The following UMAD1 variants were observed in gnomAD, a reference collection of about 807,000 sequenced individuals.
UMAD1 encodes UBAP1-MVB12-associated (UMA)-domain containing protein 1.
Under a neutral mutation model 6.1 loss-of-function variants are expected in UMAD1, and 8 were observed. That is an observed-to-expected ratio of 1.30 (90% CI 0.76 to 2.35). UMAD1 has a LOEUF of 2.35. Ranked by LOEUF, UMAD1 falls within the 30% of genes most tolerant of loss-of-function variation. The pLI, the probability that UMAD1 is intolerant of heterozygous loss-of-function variation, is 0.00. For missense variants in UMAD1, 130 were observed against 78.4 expected (o/e 1.66, Z -2.49); for synonymous variants, 56 against 31.4 (o/e 1.78, Z -2.61).
intron 2 of UMAD1, among the ~76,000 whole-genome samples, chr7:7,716,613 GC>G (rs1266256958): frequency 6.6e-6 from 1 of 152,208 alleles, no homozygotes; most frequent in African/African-American, 2.4e-5. Flanking sequence ...CATGGTGCTG[GC>G]CAGGTAGCAA....
rs1488691540 is a variant in UMAD1, at chr7:7,835,382, GCTTT to G, written c.156+33644_156+33647del. On this transcript the variant is annotated intron_variant, in intron 3 of 3. Transcript: ENST00000682710. ...ATATGACATTTTCATTGTAACTTCTGCTTTCTTTTTTTTTTTTTTGCTTTAAAAA... is the reference window on the plus strand; with the variant it reads ...ATATGACATTTTCATTGTAACTTCTGCTTTTTTTTTTTTTTGCTTTAAAAA... Among the ~76,000 whole-genome samples the G allele has an allele frequency of 9.1e-5, 10 of 110,162 alleles. No individual in the cohort carries two copies. In the East Asian group the frequency reaches 1.0e-3, roughly 11 times the overall value. 72.3% of individuals were successfully genotyped at this position (110,162 alleles called of 152,430 possible).
intron 1 of UMAD1, among the ~76,000 whole-genome samples, chr7:7,663,078 A>C (rs1281627861): frequency 6.6e-6 from 1 of 152,058 alleles, no homozygotes; most frequent in Non-Finnish European, 1.5e-5. Context: ...CAGGCACCCA[A>C]ATGCGAAAGT....
chr7:7,717,012 C>T (rs1216161368), intron 2 of UMAD1, among the ~76,000 whole-genome samples: 4 of 151,930 alleles, frequency 2.6e-5, no homozygotes, highest in Non-Finnish European at 4.4e-5. Flanking sequence ...TTCCTCTGCA[C>T]GAGGGAGCTT....
intron 3 of UMAD1, among the ~76,000 whole-genome samples, chr7:7,842,320 A>C (rs1002961745): frequency 6.6e-6 from 1 of 152,192 alleles, no homozygotes; most frequent in African/African-American, 2.4e-5. Context: ...AAATTTCTAC[A>C]CATAATGGTT....
chr7:7,753,288 C>T (rs745390532), intron 2 of UMAD1, among the ~76,000 whole-genome samples: 1 of 152,126 alleles, frequency 6.6e-6, no homozygotes, highest in Non-Finnish European at 1.5e-5. Context: ...AATTCAATAA[C>T]TCTTTAGTTA....
At position 7,826,906 on chromosome 7, in the gene UMAD1, T is replaced by G. The variant is rs192943355; in HGVS notation, c.156+25163T>G. Among the ~76,000 whole-genome samples the G allele has an allele frequency of 2.0e-5, 3 of 152,296 alleles. No individual in the cohort carries two copies. In the East Asian group the frequency reaches 5.8e-4, roughly 29 times the overall value. ...TTCAAATTTTGCCTTTATGGATCATTCAATTCAAAATAATTAGAACTAAAA... is the reference window on the plus strand; with the variant it reads ...TTCAAATTTTGCCTTTATGGATCATGCAATTCAAAATAATTAGAACTAAAA... On this transcript the variant is annotated intron_variant, in intron 3 of 3. Transcript: ENST00000682710.
intron 2 of UMAD1, chr7:7,742,162 C>T: frequency 1.5e-6 from 1 of 659,868 alleles, no homozygotes; most frequent in Admixed American, 1.8e-5. Flanking sequence ...TTCTCTCCAT[C>T]AGGCCGAATC....
chr7:7,841,433 C>T (rs1206897130), intron 3 of UMAD1, among the ~76,000 whole-genome samples: 2 of 151,224 alleles, frequency 1.3e-5, no homozygotes, highest in Non-Finnish European at 2.9e-5. Flanking sequence ...CTCCCAAGTA[C>T]ACTGGGACCA....
At chr7:7,849,502 A>G (rs183798500) in intron 3 of UMAD1, among the ~76,000 whole-genome samples, 1 of 152,260 alleles carries the variant, frequency 6.6e-6, no homozygotes, top group Admixed American at 6.5e-5. Flanking sequence ...ACTGTGGTCT[A>G]GTGAATTCTG....
At chr7:7,811,826 C>T (rs1783026660) in intron 3 of UMAD1, among the ~76,000 whole-genome samples, 1 of 152,140 alleles carries the variant, frequency 6.6e-6, no homozygotes, top group Admixed American at 6.5e-5. Flanking sequence ...TTCAAAGATT[C>T]TTGCTCTTCC....
intron 3 of UMAD1, among the ~76,000 whole-genome samples, chr7:7,850,806 ATTTGGGGG>A (rs1212004061): frequency 6.6e-6 from 1 of 152,102 alleles, no homozygotes; most frequent in African/African-American, 2.4e-5. Flanking sequence ...GAAGTGAAGG[ATTTGGGGG>A]TCTTACAAAG....
At position 7,830,966 on chromosome 7, in the gene UMAD1, A is replaced by T. The variant is rs7781344; in HGVS notation, c.156+29223A>T. Among the ~76,000 whole-genome samples the T allele has an allele frequency of 0.1, 15,294 of 152,196 alleles. 2,569 individuals are homozygous for T. Among genetic ancestry groups the T allele is most frequent in the African/African-American group, 0.35 (14,408 of 41,486 alleles). ...ATTTTTTAATTATAAAAAATATACC[A>T]GTCCTTAAAATATGTATTTTATTGA... is the stretch of plus-strand genomic sequence containing the variant. On this transcript the variant is annotated intron_variant, in intron 3 of 3. Transcript: ENST00000682710. The surrounding 1 kb of genome is among the most constrained non-coding windows in gnomAD (Gnocchi z 5.3).
At chr7:7,838,762 A>C (rs1254114123) in intron 3 of UMAD1, among the ~76,000 whole-genome samples, 1 of 152,210 alleles carries the variant, frequency 6.6e-6, no homozygotes, top group African/African-American at 2.4e-5. Context: ...AAGGATATGA[A>C]AATAGATTTA....
chr7:7,671,091 G>C (rs544147488), intron 1 of UMAD1, among the ~76,000 whole-genome samples: 6 of 152,220 alleles, frequency 3.9e-5, no homozygotes, highest in South Asian at 4.2e-4. Context: ...GGTGTCTAAG[G>C]GTTGTTTTAA....
intron 3 of UMAD1, chr7:7,868,511 G>C (rs553165807): frequency 6.6e-6 from 1 of 151,792 alleles, no homozygotes; most frequent in Non-Finnish European, 1.5e-5. Context: ...AAGAAAGATT[G>C]GAGAACCACG....
At chr7:7,826,038 T>C (rs1049268954) in intron 3 of UMAD1, among the ~76,000 whole-genome samples, 5 of 152,208 alleles carry the variant, frequency 3.3e-5, no homozygotes, top group African/African-American at 9.6e-5. Flanking sequence ...TTTAAAGTTA[T>C]ACTTTATTGT....
chr7:7,668,201 C>G (rs1779518033), intron 1 of UMAD1, among the ~76,000 whole-genome samples: 1 of 152,088 alleles, frequency 6.6e-6, no homozygotes, highest in Non-Finnish European at 1.5e-5. Context: ...GTGTAAGCCA[C>G]CATGCCTGGT....
At chr7:7,763,023 A>G (rs1166079758) in intron 2 of UMAD1, among the ~76,000 whole-genome samples, 1 of 152,216 alleles carries the variant, frequency 6.6e-6, no homozygotes, top group East Asian at 1.9e-4. Flanking sequence ...ATGTTTATGG[A>G]AACCTAGTAT....
intron 2 of UMAD1, among the ~76,000 whole-genome samples, chr7:7,748,945 CT>C (rs1563176027): frequency 6.6e-6 from 1 of 152,238 alleles, no homozygotes; most frequent in East Asian, 1.9e-4. Context: ...CCCTCCTTTT[CT>C]GGCTGTGCTA....
Sources: gnomAD v4.1 joint callset for allele counts (sites outside exome capture counted in the v4.1 genomes callset) on GRCh38, gnomAD v4.1.1 for gene constraint, Gnocchi (gnomAD v3.1) non-coding constraint, MANE v1.5 for transcripts, NCBI Gene and HGNC (gene_info 2026-07-23, HGNC 2026-07-21) for gene names.